The following LRCH1 variants were observed in gnomAD, a reference collection of about 807,000 sequenced individuals.
LRCH1 encodes leucine rich repeats and calponin homology domain containing 1.
Under a neutral mutation model 94.9 loss-of-function variants are expected in LRCH1, and 23 were observed. That is an observed-to-expected ratio of 0.24 (90% CI 0.17 to 0.34). The LOEUF (loss-of-function observed/expected upper bound fraction) is 0.34, where lower values mean the gene tolerates loss of function less well. LRCH1 is among the 10% of genes least tolerant of loss of function. The pLI is 1.00. For synonymous variants in LRCH1, 364 were observed against 354.9 expected (o/e 1.03, Z -0.29); for missense variants, 790 against 945.9 (o/e 0.84, Z 2.16).
intron 3 of LRCH1, 42 bp downstream of exon 3, chr13:46,669,198 CT>C (rs2051564651): frequency 6.2e-7 from 1 of 1,606,856 alleles, no homozygotes; most frequent in South Asian, 1.1e-5. Flanking sequence ...TGTTGGTTGA[CT>C]GATCATAGCC....
intron 1 of LRCH1, among the ~76,000 whole-genome samples, chr13:46,618,531 C>T (rs143609257): frequency 3.3e-4 from 50 of 152,222 alleles, no homozygotes; most frequent in Admixed American, 2.8e-3. Context: ...TGGTATTTTT[C>T]CCTTAATAGT....
chr13:46,693,428 T>C (rs1479266129), intron 8 of LRCH1, among the ~76,000 whole-genome samples: 1 of 152,160 alleles, frequency 6.6e-6, no homozygotes, highest in Non-Finnish European at 1.5e-5. Context: ...TGGGAGGTTT[T>C]TATGGACTGG....
At position 46,681,855 on chromosome 13, in the gene LRCH1, GA is replaced by G. The variant is rs747765584; in HGVS notation, c.685+12del. 6.5e-7 allele frequency: 1 copy of G among 1,548,892 alleles called. No individual in the cohort carries two copies. Among genetic ancestry groups the G allele is most frequent in the African/African-American group, 1.4e-5 (1 of 73,438 alleles). On this transcript the variant is annotated intron_variant, in intron 4 of 19. Coordinates refer to ENST00000389797, the MANE Select transcript of LRCH1 (RefSeq NM_001164211.2). ...TAAAGTTTTACCACAAGGTAAAAAA[GA>G]AAGAGGGAAAATGAAGAAAATGGGA...
chr13:46,684,122 T>G (rs765127425), intron 4 of LRCH1, among the ~76,000 whole-genome samples: 1 of 152,206 alleles, frequency 6.6e-6, no homozygotes, highest in Non-Finnish European at 1.5e-5. Flanking sequence ...CATATTTTAT[T>G]CTTTCTAGGA....
intron 3 of LRCH1, 43 bp from the exon 4 acceptor site, chr13:46,681,698 T>A (rs1344542416): frequency 7.4e-7 from 1 of 1,348,584 alleles, no homozygotes; most frequent in Non-Finnish European, 1.1e-6. Flanking sequence ...CTTGATTTCC[T>A]GGAAAAAGAT....
chr13:46,715,877 C>T (rs1044795911), intron 16 of LRCH1, among the ~76,000 whole-genome samples: 19 of 152,040 alleles, frequency 1.2e-4, no homozygotes, highest in African/African-American at 4.1e-4. Context: ...CTTGACTATT[C>T]TGGATTTGGG....
At chr13:46,735,810 C>T (rs796435152) in intron 19 of LRCH1, among the ~76,000 whole-genome samples, 1,416 of 67,728 alleles carry the variant, frequency 0.021, 45 homozygotes, top group East Asian at 0.21. Flanking sequence ...TTTTTTTTTT[C>T]GAGATGGAGT....
chr13:46,741,332 T>A (rs1873641462), intron 19 of LRCH1, among the ~76,000 whole-genome samples: 1 of 152,218 alleles, frequency 6.6e-6, no homozygotes, highest in Non-Finnish European at 1.5e-5. Context: ...GATGAGCACA[T>A]GATACCTTGA....
intron 10 of LRCH1, among the ~76,000 whole-genome samples, chr13:46,700,428 A>G (rs1871403595): frequency 6.6e-6 from 1 of 152,192 alleles, no homozygotes; most frequent in African/African-American, 2.4e-5. Flanking sequence ...TGCTGCTGAG[A>G]GCCACGGAGG....
At chr13:46,722,436 A>G (rs147309646) in intron 16 of LRCH1, among the ~76,000 whole-genome samples, 2 of 152,202 alleles carry the variant, frequency 1.3e-5, no homozygotes, top group Non-Finnish European at 2.9e-5. Context: ...CTCTTGCTGT[A>G]GTCATTCTCC....
chr13:46,684,238 C>G lies in LRCH1; in HGVS notation c.686-1667C>G, dbSNP rs748362075. On this transcript the variant is annotated intron_variant, in intron 4 of 19. Coordinates refer to ENST00000389797, the MANE Select transcript of LRCH1 (RefSeq NM_001164211.2). The stretch of plus-strand genomic sequence containing the variant: ...TTCTTTTTTTTCTTACTCCCTTTCT[C>G]TACTCCACTTTTTTTTTTACCTTTC... Among the ~76,000 whole-genome samples, 9 of 122,318 alleles carry G rather than the reference C, an allele frequency of 7.4e-5. No individual in the cohort carries two copies. The South Asian group carries it at 2.0e-3, about 27-fold the overall frequency. 80.2% of individuals were successfully genotyped at this position (122,318 alleles called of 152,430 possible).
intron 1 of LRCH1, among the ~76,000 whole-genome samples, chr13:46,637,720 T>TC (rs1178017904): frequency 6.6e-6 from 1 of 151,868 alleles, no homozygotes; most frequent in Non-Finnish European, 1.5e-5. Context: ...TAGTTTTTTT[T>TC]TTCTTATTAT....
chr13:46,670,097 T>TGTC (rs1280013009), intron 3 of LRCH1, among the ~76,000 whole-genome samples: 9 of 152,218 alleles, frequency 5.9e-5, no homozygotes, highest in Non-Finnish European at 1.2e-4. Context: ...TTTAGTGGGA[T>TGTC]TGGGCTAGGA....
intron 3 of LRCH1, among the ~76,000 whole-genome samples, chr13:46,677,704 C>T (rs926622829): frequency 5.9e-5 from 9 of 152,060 alleles, no homozygotes; most frequent in African/African-American, 2.2e-4. Context: ...ACATGATGAC[C>T]AGTGGAAAGT....
intron 1 of LRCH1, among the ~76,000 whole-genome samples, chr13:46,603,965 T>G (rs2050660328): frequency 6.6e-6 from 1 of 152,208 alleles, no homozygotes; most frequent in African/African-American, 2.4e-5. Flanking sequence ...CCAAACTTCT[T>G]TTGAAATTAG....
exon 19 of LRCH1, chr13:46,751,504 T>C (rs934365377): frequency 6.6e-6 from 1 of 151,622 alleles, no homozygotes; most frequent in Admixed American, 6.6e-5. Flanking sequence ...CCAAAGTTAT[T>C]TGTAAATAGC....
intron 1 of LRCH1, among the ~76,000 whole-genome samples, chr13:46,647,226 A>G (rs1279392510): frequency 6.6e-6 from 1 of 152,132 alleles, no homozygotes; most frequent in African/African-American, 2.4e-5. Flanking sequence ...TGTAATATTT[A>G]CAGATATTAC....
chr13:46,668,556 A>G (rs1021281921), intron 2 of LRCH1, among the ~76,000 whole-genome samples: 1 of 152,174 alleles, frequency 6.6e-6, no homozygotes, highest in African/African-American at 2.4e-5. Context: ...CCCTACTGCA[A>G]TGGATGAAAT....
chr13:46,629,430 T>G (rs989324226), intron 1 of LRCH1, among the ~76,000 whole-genome samples: 2 of 152,218 alleles, frequency 1.3e-5, no homozygotes, highest in African/African-American at 4.8e-5. Context: ...TGAATACCTC[T>G]AATTGCATAG....
Sources: allele counts gnomAD v4.1 joint callset (sites outside exome capture counted in the v4.1 genomes callset), GRCh38; gene constraint gnomAD v4.1.1; transcripts MANE v1.5; gene names NCBI Gene and HGNC (gene_info 2026-07-23, HGNC 2026-07-21).